FOXN3: variants seen among roughly 807,000 people sequenced by gnomAD.
FOXN3 encodes forkhead box N3.
Under a neutral mutation model 38.4 loss-of-function variants are expected in FOXN3, and 7 were observed. That is an observed-to-expected ratio of 0.18 (90% CI 0.10 to 0.34). FOXN3 has a LOEUF of 0.34. Among genes scored for constraint, FOXN3 ranks in the 10% least tolerant of loss-of-function variants. The pLI is 1.00. For missense variants in FOXN3, 456 were observed against 613.4 expected (o/e 0.74, Z 2.71); for synonymous variants, 230 against 242.2 (o/e 0.95, Z 0.47).
In FOXN3 at chr14:89,584,434, A is replaced by C. The variant is rs1276762701; in HGVS notation, c.-15+34594T>G. Among the ~76,000 whole-genome samples, 3 of 152,128 alleles carry C rather than the reference A, an allele frequency of 2.0e-5. No homozygotes were observed. The East Asian group carries it at 5.8e-4, about 29-fold the overall frequency. On this transcript the variant is annotated intron_variant, in intron 1 of 6. Transcript: ENST00000345097. ...AATAATAAATAAATAACCTAGTGTC[A>C]GGTATTCTGTTATAGCAGCACAAAA... is the stretch of plus-strand genomic sequence containing the variant.
chr14:89,191,204 T>A (rs1887933168), intron 4 of FOXN3, among the ~76,000 whole-genome samples: 1 of 152,212 alleles, frequency 6.6e-6, no homozygotes, highest in Non-Finnish European at 1.5e-5. Context: ...CTTTTATAAC[T>A]AAATTCATTT....
chr14:89,274,395 T>C (rs1231564569), intron 4 of FOXN3, among the ~76,000 whole-genome samples: 7 of 152,226 alleles, frequency 4.6e-5, no homozygotes, highest in Non-Finnish European at 5.9e-5. Context: ...GCATGAAACA[T>C]TGAAGGCTAA....
At chr14:89,445,224 C>T (rs4899998) in intron 1 of FOXN3, among the ~76,000 whole-genome samples, 140,465 of 152,208 alleles carry the variant, frequency 0.92, 64,904 homozygotes, top group East Asian at 1. Context: ...CGGGTATACC[C>T]GACTTCTGAA....
chr14:89,193,512 C>T (rs962671962), intron 4 of FOXN3, among the ~76,000 whole-genome samples: 1 of 152,162 alleles, frequency 6.6e-6, no homozygotes, highest in Non-Finnish European at 1.5e-5. Context: ...ATCTGTAGAG[C>T]ATCCACCTAT....
At chr14:89,308,862 A>T (rs1437447212) in intron 3 of FOXN3, among the ~76,000 whole-genome samples, 2 of 152,176 alleles carry the variant, frequency 1.3e-5, no homozygotes, top group Non-Finnish European at 2.9e-5. Flanking sequence ...TAAGCACAGC[A>T]GGGGAGCCTG....
intron 3 of FOXN3, among the ~76,000 whole-genome samples, chr14:89,329,653 C>T (rs927236208): frequency 1.3e-5 from 2 of 151,962 alleles, no homozygotes; most frequent in African/African-American, 2.4e-5. Flanking sequence ...GTCAGGAGTT[C>T]GAGACCATCC....
chr14:89,447,781 A>G (rs888982406), intron 1 of FOXN3, among the ~76,000 whole-genome samples: 1 of 148,988 alleles, frequency 6.7e-6, no homozygotes, highest in Non-Finnish European at 1.5e-5. Flanking sequence ...GTTGAAAGTC[A>G]TCATCCGCAG....
intron 1 of FOXN3, among the ~76,000 whole-genome samples, chr14:89,597,693 C>T (rs1047713941): frequency 2.0e-5 from 3 of 152,134 alleles, no homozygotes; most frequent in Admixed American, 2.0e-4. Flanking sequence ...AAATATCTCC[C>T]TTATCTCTAA....
rs146857454 is a variant in FOXN3 at position 89,276,344 on chromosome 14, A to C, written c.745+4606T>G. Among the ~76,000 whole-genome samples the C allele has an allele frequency of 7.3e-3, 1,110 of 152,376 alleles. 31 individuals are homozygous for C. The highest frequency in any genetic ancestry group is 0.066 in the Admixed American group (1,011 of 15,310). ...GGAAATAAAATATGTTAGATAATTT[A>C]TTTTAATTCTACCACCGCATCCTAG... On this transcript the variant is annotated intron_variant, in intron 4 of 5. Transcript: ENST00000557258.
At chr14:89,360,532 G>A (rs1484557557) in intron 2 of FOXN3, among the ~76,000 whole-genome samples, 1 of 142,774 alleles carries the variant, frequency 7.0e-6, no homozygotes, top group African/African-American at 2.6e-5. Flanking sequence ...AGGAAAAAAA[G>A]GGACACAGAG....
rs1566918512 is a variant in FOXN3, at chr14:89,163,811, TG to T, written c.852-843del. Among the ~76,000 whole-genome samples the T allele has an allele frequency of 1.3e-5, 2 of 152,196 alleles. No homozygotes were observed. The highest frequency in any genetic ancestry group is 2.9e-5 in the Non-Finnish European group (2 of 68,038). On this transcript the variant is annotated intron_variant, in intron 5 of 5. Coordinates refer to ENST00000557258, the MANE Select transcript of FOXN3 (RefSeq NM_005197.4). The surrounding 1 kb of genome is among the most constrained non-coding windows in gnomAD (Gnocchi z 4.3). Reference sequence around the variant, plus strand: ...AGTGATGTACTTAAAGTCACACAACTGATCACTTGCGGAGCAGGGACTGGAA... The same window carrying T: ...AGTGATGTACTTAAAGTCACACAACTATCACTTGCGGAGCAGGGACTGGAA...
intron 4 of FOXN3, among the ~76,000 whole-genome samples, chr14:89,256,821 G>T (rs1885637935): frequency 1.3e-5 from 2 of 152,112 alleles, no homozygotes; most frequent in African/African-American, 4.8e-5. Context: ...TCTCGACACT[G>T]GCTCATTCAT....
intron 3 of FOXN3, among the ~76,000 whole-genome samples, chr14:89,334,347 C>A (rs769585153): frequency 6.0e-5 from 9 of 149,796 alleles, no homozygotes; most frequent in African/African-American, 2.2e-4. Context: ...TGGTGGCTCA[C>A]GCCTGTAATC....
chr14:89,282,327 G>A (rs1215156121), intron 3 of FOXN3, among the ~76,000 whole-genome samples: 5 of 152,148 alleles, frequency 3.3e-5, no homozygotes, highest in African/African-American at 9.6e-5. Flanking sequence ...TGAGCATCAC[G>A]CATCTCAGCC....
chr14:89,207,075 A>G (rs1402876775), intron 4 of FOXN3, among the ~76,000 whole-genome samples: 1 of 152,110 alleles, frequency 6.6e-6, no homozygotes, highest in Non-Finnish European at 1.5e-5. Flanking sequence ...ATATGGAAGG[A>G]GAACTCATGG....
upstream of FOXN3, among the ~76,000 whole-genome samples, chr14:89,421,765 G>C (rs1480981562): frequency 6.6e-6 from 1 of 152,072 alleles, no homozygotes; most frequent in Non-Finnish European, 1.5e-5. Flanking sequence ...CCAACCTCAG[G>C]TGATCTGCCC....
At chr14:89,600,597 A>T (rs551802217) in intron 1 of FOXN3, among the ~76,000 whole-genome samples, 1 of 152,336 alleles carries the variant, frequency 6.6e-6, no homozygotes, top group East Asian at 1.9e-4. Flanking sequence ...GAAGATATGG[A>T]GGTCTGGTCT....
intron 1 of FOXN3, among the ~76,000 whole-genome samples, chr14:89,586,016 A>T (rs139595623): frequency 6.6e-6 from 1 of 152,260 alleles, no homozygotes; most frequent in East Asian, 1.9e-4. Context: ...AGCCCATCTC[A>T]CTACGTATGT....
At chr14:89,455,912 C>A (rs1892711928) in intron 1 of FOXN3, among the ~76,000 whole-genome samples, 1 of 152,172 alleles carries the variant, frequency 6.6e-6, no homozygotes, top group African/African-American at 2.4e-5. Context: ...AAAGTAACCA[C>A]AGGCCAGGCG....
Sources: allele counts gnomAD v4.1 joint callset (sites outside exome capture counted in the v4.1 genomes callset), GRCh38; gene constraint gnomAD v4.1.1; non-coding constraint Gnocchi (gnomAD v3.1); transcripts MANE v1.5; gene names NCBI Gene and HGNC (gene_info 2026-07-23, HGNC 2026-07-21).